Variants in ARID4A observed in about 807,000 individuals in gnomAD.
ARID4A encodes AT-rich interaction domain 4A.
Under a neutral mutation model 148.6 loss-of-function variants are expected in ARID4A, and 39 were observed. That is an observed-to-expected ratio of 0.26 (90% CI 0.20 to 0.34). The LOEUF is 0.34. Among genes scored for constraint, ARID4A ranks in the 10% least tolerant of loss-of-function variants. The probability of loss-of-function intolerance (pLI) is 1.00; values close to 1 mark genes in which losing one functional copy is unlikely to be tolerated. For missense variants in ARID4A, 1,265 were observed against 1,449.1 expected (o/e 0.87, Z 2.06); for synonymous variants, 475 against 481.2 (o/e 0.99, Z 0.17).
In ARID4A at chr14:58,309,368, C is replaced by T. The variant is rs987893401; in HGVS notation, c.274+3256C>T. On this transcript the variant is annotated intron_variant, in intron 5 of 23. Coordinates refer to ENST00000355431, the MANE Select transcript of ARID4A (RefSeq NM_002892.4). The stretch of plus-strand genomic sequence containing the variant: ...TGAGCAATAGAAATATTTCCTCTTC[C>T]TACCATTCCTACCATAGTTTACTCA... Among the ~76,000 whole-genome samples the T allele has an allele frequency of 3.3e-5, 5 of 152,110 alleles. No individual in the cohort carries two copies. The South Asian group carries it at 6.2e-4, about 19-fold the overall frequency.
intron 19 of ARID4A, among the ~76,000 whole-genome samples, chr14:58,363,046 C>G (rs934886414): frequency 6.6e-6 from 1 of 152,306 alleles, no homozygotes; most frequent in African/African-American, 2.4e-5. Flanking sequence ...GAAAGGTACC[C>G]TCTTAGAAGG....
intron 2 of ARID4A, 79 bp from the exon 3 acceptor site, chr14:58,301,501 C>T: frequency 1.0e-6 from 1 of 959,122 alleles, no homozygotes; most frequent in South Asian, 1.8e-5. Context: ...ATGCTTCAAA[C>T]ACAACCTTTT....
intron 2 of ARID4A, among the ~76,000 whole-genome samples, chr14:58,301,274 T>C (rs1181354245): frequency 1.5e-5 from 2 of 134,206 alleles, no homozygotes; most frequent in Non-Finnish European, 3.2e-5. Context: ...TTTTTTCTGT[T>C]TTTTTCTTAT....
At chr14:58,339,321 T>C (rs2033992997) in intron 11 of ARID4A, among the ~76,000 whole-genome samples, 1 of 152,036 alleles carries the variant, frequency 6.6e-6, no homozygotes, top group African/African-American at 2.4e-5. Flanking sequence ...AACCTGAGAA[T>C]ACCCATCAAC....
chr14:58,366,003 A>T, intron 21 of ARID4A, 21 bp from the exon 22 acceptor site: 1 of 1,554,208 alleles, frequency 6.4e-7, no homozygotes, highest in Admixed American at 1.9e-5. Flanking sequence ...AATCTGAGTC[A>T]ATCTTTTTTA....
In ARID4A at chr14:58,372,167, A is replaced by G. The variant is rs1566732775; in HGVS notation, c.*178A>G. On this transcript the variant is annotated 3_prime_UTR_variant, in exon 24 of 24. Coordinates refer to ENST00000355431, the MANE Select transcript of ARID4A (RefSeq NM_002892.4). Reference sequence around the variant, plus strand: ...CTTCTTTTTTCTTGTTGCAAAAAATAAGCTGATTAATAAGTGAAGGTTAAG... The same window carrying G: ...CTTCTTTTTTCTTGTTGCAAAAAATGAGCTGATTAATAAGTGAAGGTTAAG... 1.9e-6 allele frequency: 1 copy of G among 519,466 alleles called. No homozygotes were observed. Among genetic ancestry groups the G allele is most frequent in the Non-Finnish European group, 3.4e-6 (1 of 294,242 alleles). 32.2% of individuals were successfully genotyped at this position (519,466 alleles called of 1,614,324 possible).
intron 11 of ARID4A, among the ~76,000 whole-genome samples, chr14:58,339,134 C>T (rs1259606135): frequency 6.6e-6 from 1 of 151,174 alleles, no homozygotes; most frequent in African/African-American, 2.4e-5. Context: ...CCATGCCCGG[C>T]TAATTTATTA....
At chr14:58,306,954 C>T (rs2031652186) in intron 5 of ARID4A, among the ~76,000 whole-genome samples, 1 of 152,180 alleles carries the variant, frequency 6.6e-6, no homozygotes, top group Non-Finnish European at 1.5e-5. Context: ...ACATTCCATG[C>T]ATAAGCTTAT....
intron 10 of ARID4A, 124 bp from the exon 11 acceptor site, chr14:58,329,879 C>T: frequency 7.0e-7 from 1 of 1,424,816 alleles, no homozygotes; most frequent in Admixed American, 2.4e-5. Flanking sequence ...TTAAAGCTTA[C>T]TGTATCATTT....
Position 58,339,843 on chromosome 14 carries a change from GGAGAGA to G in ARID4A, c.907-4826_907-4821del, listed in dbSNP as rs35021584. On this transcript the variant is annotated intron_variant, in intron 11 of 23. Coordinates refer to ENST00000355431, the MANE Select transcript of ARID4A (RefSeq NM_002892.4). ...GCAAGCATATCTTCACGTGGCAACAGGAGAGAGAGAGAGAGAGAGAGAGAGAGAGAG... is the reference window on the plus strand; with the variant it reads ...GCAAGCATATCTTCACGTGGCAACAGGAGAGAGAGAGAGAGAGAGAGAGAG... Among the ~76,000 whole-genome samples, 827 of 142,316 alleles carry G rather than the reference GGAGAGA, an allele frequency of 5.8e-3. 11 individuals carry two copies. Among genetic ancestry groups the G allele is most frequent in the Admixed American group, 0.043 (613 of 14,200 alleles). 93.4% of individuals were successfully genotyped at this position (142,316 alleles called of 152,430 possible).
At chr14:58,307,398 A>G (rs907835291) in intron 5 of ARID4A, among the ~76,000 whole-genome samples, 1 of 152,202 alleles carries the variant, frequency 6.6e-6, no homozygotes, top group Non-Finnish European at 1.5e-5. Flanking sequence ...GTGTGTAAGT[A>G]CTTTTTTCAA....
chr14:58,366,292 T>G, intron 22 of ARID4A, 62 bp downstream of exon 22: 1 of 1,245,740 alleles, frequency 8.0e-7, no homozygotes, highest in African/African-American at 1.5e-5. Flanking sequence ...TCTTAAAATA[T>G]CAACTTGGAT....
chr14:58,363,806 T>TA (rs1235199003), intron 19 of ARID4A, among the ~76,000 whole-genome samples: 9 of 152,338 alleles, frequency 5.9e-5, no homozygotes, highest in African/African-American at 2.2e-4. Context: ...CCTTCCTAGA[T>TA]ACTATCTCAA....
chr14:58,298,792 G>C (rs182119636), intron 1 of ARID4A, 92 bp downstream of exon 1: 1 of 152,292 alleles, frequency 6.6e-6, no homozygotes, highest in Non-Finnish European at 1.5e-5. Flanking sequence ...GCAGTTGGAA[G>C]CTTTGGAGGT....
chr14:58,325,486 T>C (rs752112936), intron 8 of ARID4A, among the ~76,000 whole-genome samples: 1 of 152,132 alleles, frequency 6.6e-6, no homozygotes, highest in African/African-American at 2.4e-5. Flanking sequence ...GGTTTTGCCA[T>C]GTTCTCCAGG....
At chr14:58,340,984 T>G (rs913579756) in intron 11 of ARID4A, among the ~76,000 whole-genome samples, 3 of 152,204 alleles carry the variant, frequency 2.0e-5, no homozygotes, top group African/African-American at 7.2e-5. Context: ...GTCGTAAAAT[T>G]GTGAGTAAGT....
chr14:58,340,900 ACT>A (rs530721675), intron 11 of ARID4A, among the ~76,000 whole-genome samples: 559 of 152,322 alleles, frequency 3.7e-3, no homozygotes, highest in Non-Finnish European at 5.9e-3. Flanking sequence ...AAGCAAGAAA[ACT>A]CTACACAATT....
chr14:58,301,111 C>G (rs528202220), intron 2 of ARID4A, among the ~76,000 whole-genome samples: 2 of 152,120 alleles, frequency 1.3e-5, no homozygotes, highest in Non-Finnish European at 2.9e-5. Flanking sequence ...ATGATACTTT[C>G]CTTATGAAAA....
intron 17 of ARID4A, among the ~76,000 whole-genome samples, chr14:58,355,629 C>T (rs1020308033): frequency 6.6e-6 from 1 of 152,186 alleles, no homozygotes; most frequent in Non-Finnish European, 1.5e-5. Context: ...ATGCTTAGAA[C>T]CATGCCTGGC....
Sources: allele counts gnomAD v4.1 joint callset (sites outside exome capture counted in the v4.1 genomes callset), GRCh38; gene constraint gnomAD v4.1.1; transcripts MANE v1.5; gene names NCBI Gene and HGNC (gene_info 2026-07-23, HGNC 2026-07-21).